CDH13: variants seen among roughly 807,000 people sequenced by gnomAD.
CDH13 encodes cadherin-13.
Under a neutral mutation model 63.8 loss-of-function variants are expected in CDH13, and 24 were observed. That is an observed-to-expected ratio of 0.38 (90% CI 0.27 to 0.53). The LOEUF (loss-of-function observed/expected upper bound fraction) is 0.53, where lower values mean the gene tolerates loss of function less well. Among genes scored for constraint, CDH13 ranks in the 20% least tolerant of loss-of-function variants. The pLI is 0.85. For missense variants in CDH13, 1,049 were observed against 903.1 expected (o/e 1.16, Z -2.07); for synonymous variants, 503 against 355.3 (o/e 1.42, Z -4.67).
chr16:83,326,218 C>A (rs1185007962), intron 5 of CDH13, among the ~76,000 whole-genome samples: 1 of 152,104 alleles, frequency 6.6e-6, no homozygotes, highest in African/African-American at 2.4e-5. Flanking sequence ...CGGACAACAA[C>A]AACAAATTAC....
intron 6 of CDH13, among the ~76,000 whole-genome samples, chr16:83,358,819 C>G (rs2091104923): frequency 6.6e-6 from 1 of 152,082 alleles, no homozygotes; most frequent in South Asian, 2.1e-4. Flanking sequence ...ATTCTAAGGC[C>G]TCTTTGACAT....
intron 7 of CDH13, among the ~76,000 whole-genome samples, chr16:83,575,631 A>G (rs540893708): frequency 1.6e-4 from 24 of 152,194 alleles, no homozygotes; most frequent in Middle Eastern, 6.8e-3. Flanking sequence ...ACCTTGCTCC[A>G]TCCTATTGTC....
rs552462636 is a variant in CDH13 at position 83,777,763 on chromosome 16, C to T, written c.1682-2205C>T. ...CAAATACTCACTACCCTTCTAACCC[C>T]CGTGTAACCTGATAGCCTAACTGCA... is the stretch of plus-strand genomic sequence containing the variant. On this transcript the variant is annotated intron_variant, in intron 11 of 13. Coordinates refer to ENST00000567109, the MANE Select transcript of CDH13 (RefSeq NM_001257.5). Among the ~76,000 whole-genome samples, 7 of 152,308 alleles carry T rather than the reference C, an allele frequency of 4.6e-5. No individual in the cohort carries two copies. The East Asian group carries it at 1.2e-3, about 25-fold the overall frequency.
intron 10 of CDH13, among the ~76,000 whole-genome samples, chr16:83,704,455 G>T (rs1235270184): frequency 6.6e-6 from 1 of 151,968 alleles, no homozygotes; most frequent in African/African-American, 2.4e-5. Flanking sequence ...GGTGTTTAGG[G>T]AAATGTTTGC....
intron 6 of CDH13, among the ~76,000 whole-genome samples, chr16:83,426,214 A>G (rs961298728): frequency 6.6e-6 from 1 of 151,822 alleles, no homozygotes; most frequent in Admixed American, 6.6e-5. Context: ...CTGGGTTTCC[A>G]CCCTAATGCA....
chr16:83,535,922 G>C (rs756556347), intron 7 of CDH13, among the ~76,000 whole-genome samples: 5 of 137,984 alleles, frequency 3.6e-5, no homozygotes, highest in Non-Finnish European at 7.8e-5. Flanking sequence ...AAGGAAAGAA[G>C]GAAAGAAGGA....
At position 83,799,262 on chromosome 16, in the gene CDH13, A is replaced by G. The variant is rs1436925044; in HGVS notation, c.*4232A>G. On this transcript the variant is annotated 3_prime_UTR_variant, in exon 14 of 14. Transcript: ENST00000567109. ...CAGGAGGCAGAGTTTGCAGTGAGCCATTGCACTCCAGCCTGGGCAACAGAG... is the reference window on the plus strand; with the variant it reads ...CAGGAGGCAGAGTTTGCAGTGAGCCGTTGCACTCCAGCCTGGGCAACAGAG... 1 of 148,756 alleles carries G rather than the reference A, an allele frequency of 6.7e-6. No homozygotes were observed. Among genetic ancestry groups the G allele is most frequent in the African/African-American group, 2.5e-5 (1 of 40,400 alleles). The allele number at this position is 148,756 out of a possible 1,614,324, so 9.2% of individuals were successfully genotyped here. A position where few individuals can be genotyped will look rare whatever the true frequency, so the allele number is the denominator to read the frequency against.
At chr16:83,707,109 C>T (rs1907196137) in intron 10 of CDH13, among the ~76,000 whole-genome samples, 1 of 152,168 alleles carries the variant, frequency 6.6e-6, no homozygotes, top group African/African-American at 2.4e-5. Context: ...AGATGGAAAG[C>T]AGAATATGGG....
chr16:83,334,367 A>T lies in CDH13; in HGVS notation c.637-10495A>T, dbSNP rs1428420111. ...CTCTCTCTCTCTCTCTCTCTCACAC[A>T]CACACACACACACACACACACACAC... On this transcript the variant is annotated intron_variant, in intron 5 of 13. Coordinates refer to ENST00000567109, the MANE Select transcript of CDH13 (RefSeq NM_001257.5). 3.3e-3 allele frequency among the ~76,000 whole-genome samples: 249 copies of T among 75,792 alleles called. 1 individual carries two copies. The highest frequency in any genetic ancestry group is 0.011 in the African/African-American group (223 of 20,708). The allele number at this position is 75,792 out of a possible 152,430, so 49.7% of individuals were successfully genotyped here.
At chr16:83,431,958 G>A (rs1381972936) in intron 6 of CDH13, among the ~76,000 whole-genome samples, 3 of 152,196 alleles carry the variant, frequency 2.0e-5, no homozygotes, top group Admixed American at 6.5e-5. Flanking sequence ...TTGAGCAGAG[G>A]AAAGAGGGAT....
At chr16:82,705,263 C>T (rs1415951251) in intron 1 of CDH13, 3 of 423,412 alleles carry the variant, frequency 7.1e-6, no homozygotes, top group Admixed American at 2.9e-5. Flanking sequence ...TTCAAGAGAC[C>T]ACGTTGGACA....
Position 82,738,603 on chromosome 16 carries a change from G to A in CDH13, c.45+111466G>A, listed in dbSNP as rs142777388. ...CTTTTCTCCATGCTGTAACTAAACA[G>A]CACTACCTACTAAAATAGAAAGATA... On this transcript the variant is annotated intron_variant, in intron 1 of 13. Transcript: ENST00000567109. Among the ~76,000 whole-genome samples the A allele has an allele frequency of 3.2e-4, 49 of 152,294 alleles. 1 individual carries two copies. The highest frequency in any genetic ancestry group is 1.2e-3 in the African/African-American group (48 of 41,554).
intron 7 of CDH13, 42 bp downstream of exon 7, chr16:83,486,697 A>G: frequency 6.3e-7 from 1 of 1,588,998 alleles, no homozygotes; most frequent in Non-Finnish European, 8.6e-7. Context: ...CGAGAATAGA[A>G]TGTGGCTTTC....
At chr16:83,389,274 C>T (rs1352911264) in intron 6 of CDH13, among the ~76,000 whole-genome samples, 3 of 152,184 alleles carry the variant, frequency 2.0e-5, no homozygotes, top group Middle Eastern at 3.4e-3. Context: ...GTTATTTTAG[C>T]GTATCTTAAC....
intron 2 of CDH13, among the ~76,000 whole-genome samples, chr16:82,905,459 G>GTA (rs1555539181): frequency 0.045 from 6,828 of 151,550 alleles, 482 homozygotes; most frequent in African/African-American, 0.15. Context: ...GTGTGTGTGT[G>GTA]TGTGTGTGTA....
intron 4 of CDH13, among the ~76,000 whole-genome samples, chr16:83,209,349 C>G (rs949497126): frequency 2.0e-5 from 3 of 152,110 alleles, no homozygotes; most frequent in African/African-American, 7.2e-5. Context: ...CCAGGTCGGC[C>G]ACTCCCAGAT....
At chr16:82,856,374 C>CAAAA (rs71382852) in intron 1 of CDH13, among the ~76,000 whole-genome samples, 4 of 95,890 alleles carry the variant, frequency 4.2e-5, no homozygotes, top group African/African-American at 1.3e-4. Context: ...GACTCCATCT[C>CAAAA]AAAAAAAAAA....
intron 1 of CDH13, chr16:82,639,349 C>T (rs995497087): frequency 2.0e-6 from 3 of 1,529,958 alleles, no homozygotes; most frequent in Admixed American, 2.0e-5. Flanking sequence ...CATGTCCTTG[C>T]TTTTGACCAG....
chr16:83,055,992 T>A (rs1188497276), intron 3 of CDH13, among the ~76,000 whole-genome samples: 1 of 152,094 alleles, frequency 6.6e-6, no homozygotes, highest in African/African-American at 2.4e-5. Context: ...TGTTAACAAC[T>A]CCTACAAAAA....
Sources: gnomAD v4.1 joint callset for allele counts (sites outside exome capture counted in the v4.1 genomes callset) on GRCh38, gnomAD v4.1.1 for gene constraint, MANE v1.5 for transcripts, NCBI Gene and HGNC (gene_info 2026-07-23, HGNC 2026-07-21) for gene names.